Variants in DLG1 observed in about 807,000 individuals in gnomAD.
The protein encoded by DLG1 is disks large homolog 1.
In DLG1, 42 loss-of-function variants were observed where a neutral mutation model predicts 123.4. That is an observed-to-expected ratio of 0.34 (90% CI 0.27 to 0.44). The LOEUF is 0.44. DLG1 is among the 20% of genes least tolerant of loss of function. The pLI is 1.00. For synonymous variants in DLG1, 317 were observed against 356.2 expected, an observed-to-expected ratio of 0.89 and a Z score of 1.24; for missense variants, 942 against 1,082.6, an observed-to-expected ratio of 0.87 and a Z score of 1.82.
chr3:197,128,337 C>G (rs1336918760), intron 11 of DLG1, among the ~76,000 whole-genome samples: 1 of 152,222 alleles, frequency 6.6e-6, no homozygotes, highest in African/African-American at 2.4e-5. Flanking sequence ...TAAGAAGCAA[C>G]TCCTTAGTTG....
chr3:197,167,886 T>C (rs1266489369), intron 5 of DLG1, among the ~76,000 whole-genome samples: 1 of 152,236 alleles, frequency 6.6e-6, no homozygotes, highest in Non-Finnish European at 1.5e-5. Flanking sequence ...CTAAAGTTTA[T>C]TTTTTAAGTG....
intron 5 of DLG1, among the ~76,000 whole-genome samples, chr3:197,163,102 CGA>C (rs1229792460): frequency 6.6e-6 from 1 of 152,072 alleles, no homozygotes; most frequent in Admixed American, 6.6e-5. Flanking sequence ...AAAAGATGCT[CGA>C]CATCATTAGT....
intron 3 of DLG1, among the ~76,000 whole-genome samples, chr3:197,294,860 TCACA>T (rs1225069580): frequency 5.9e-5 from 9 of 152,138 alleles, no homozygotes; most frequent in African/African-American, 1.9e-4. Context: ...GTTACAGCCA[TCACA>T]CAAAGAAAAG....
intron 4 of DLG1, among the ~76,000 whole-genome samples, chr3:197,276,543 TTTC>T (rs1189683525): frequency 1.3e-5 from 2 of 152,232 alleles, no homozygotes; most frequent in African/African-American, 2.4e-5. Context: ...CCCACATTTA[TTTC>T]TTCTTCTTCA....
At chr3:197,231,725 A>G (rs1379826542) in intron 4 of DLG1, among the ~76,000 whole-genome samples, 2 of 151,882 alleles carry the variant, frequency 1.3e-5, no homozygotes, top group African/African-American at 4.8e-5. Flanking sequence ...AAAAAACAAA[A>G]CAACAAAAAC....
rs1297823462 is a variant in DLG1 at position 197,130,385 on chromosome 3, A to C, written c.1165+142T>G. On this transcript the variant is annotated intron_variant, in intron 11 of 24. Coordinates refer to ENST00000667157, the MANE Select transcript of DLG1 (RefSeq NM_001366207.1). ...TTTGACTTAAAGTAGATTTTAAAAA[A>C]TGAGTAGATTAACATGCTTAATTGT... 4.2e-6 allele frequency: 3 copies of C among 714,620 alleles called. No individual in the cohort carries two copies. The African/African-American group carries it at 5.5e-5, about 13-fold the overall frequency. 44.3% of individuals were successfully genotyped at this position (714,620 alleles called of 1,614,324 possible).
At position 197,091,011 on chromosome 3, in the gene DLG1, T is replaced by C; in HGVS notation, c.1562A>G (p.Glu521Gly). 1.2e-6 allele frequency: 2 copies of C among 1,600,828 alleles called. No homozygotes were observed. Among genetic ancestry groups the C allele is most frequent in the Non-Finnish European group, 1.7e-6 (2 of 1,168,836 alleles). ...QYRPEEYSRF[E>G]AKIHDLREQM... ...CTCCCGTAAATCATGTATTTTAGCT[T>C]CAAAACGACTGTATTCTGATGGAAG... The change falls in exon 15 of 25, where the codon GAA (glutamate) becomes GGA (glycine). Residue 521 changes from glutamate to glycine, a missense_variant. By Grantham distance (98) the Glu-to-Gly change is moderately conservative. Coordinates refer to ENST00000667157, the MANE Select transcript of DLG1 (RefSeq NM_001366207.1).
intron 14 of DLG1, among the ~76,000 whole-genome samples, chr3:197,096,184 A>G (rs73208281): frequency 0.14 from 20,723 of 152,250 alleles, 1,595 homozygotes; most frequent in Non-Finnish European, 0.17. Flanking sequence ...ATCTGTATCA[A>G]TGGAAAACCA....
At position 197,282,671 on chromosome 3, in the gene DLG1, T is replaced by C. The variant is rs1356619969; in HGVS notation, c.318+8A>G. 1.3e-6 allele frequency: 2 copies of C among 1,514,974 alleles called. No individual in the cohort carries two copies. Among genetic ancestry groups the C allele is most frequent in the Non-Finnish European group, 1.8e-6 (2 of 1,136,282 alleles). 93.8% of individuals were successfully genotyped at this position (1,514,974 alleles called of 1,614,324 possible). On this transcript the variant is annotated splice_region_variant and intron_variant, in intron 4 of 24. Coordinates refer to ENST00000667157, the MANE Select transcript of DLG1 (RefSeq NM_001366207.1). ...AAAAACAGCTTCAGAACACATTTTT[T>C]ATCTCACCTCTACACTAGGGCTAAG...
intron 24 of DLG1, among the ~76,000 whole-genome samples, chr3:197,049,327 T>TA (rs71161990): frequency 0.33 from 49,620 of 151,320 alleles, 9,773 homozygotes; most frequent in East Asian, 0.72. Context: ...AACAAAACAA[T>TA]AAAAAACAAA....
chr3:197,278,244 T>C (rs3010120), intron 4 of DLG1, among the ~76,000 whole-genome samples: 39,010 of 131,830 alleles, frequency 0.3, 5,753 homozygotes, highest in Middle Eastern at 0.45. Context: ...GATCGTACCA[T>C]TGCACTCTAG....
intron 5 of DLG1, among the ~76,000 whole-genome samples, chr3:197,163,182 T>G (rs1053059078): frequency 6.6e-6 from 1 of 152,088 alleles, no homozygotes; most frequent in Non-Finnish European, 1.5e-5. Context: ...AGTGTCTAAT[T>G]AAAACAAAAC....
chr3:197,065,056 A>C (rs1435754326), intron 22 of DLG1, among the ~76,000 whole-genome samples: 1 of 151,454 alleles, frequency 6.6e-6, no homozygotes. Context: ...AACTTCTCTT[A>C]CATTCATGTT....
intron 22 of DLG1, among the ~76,000 whole-genome samples, chr3:197,061,467 T>C (rs1426976019): frequency 1.3e-5 from 2 of 152,196 alleles, no homozygotes; most frequent in African/African-American, 4.8e-5. Flanking sequence ...CCATCTAATG[T>C]TCCTTATTGG....
chr3:197,049,578 C>A (rs2148683630), intron 24 of DLG1, among the ~76,000 whole-genome samples: 2 of 152,206 alleles, frequency 1.3e-5, no homozygotes, highest in South Asian at 4.1e-4. Context: ...CATGGGGAAA[C>A]CCCATCTCTA....
At chr3:197,047,981 G>T (rs545827582) in intron 24 of DLG1, among the ~76,000 whole-genome samples, 190 of 152,238 alleles carry the variant, frequency 1.2e-3, no homozygotes, top group African/African-American at 4.4e-3. Flanking sequence ...TGGAAGAGGA[G>T]AAAATATTTC....
At chr3:197,294,545 C>G (rs1180825911) in intron 3 of DLG1, among the ~76,000 whole-genome samples, 1 of 151,408 alleles carries the variant, frequency 6.6e-6, no homozygotes, top group East Asian at 1.9e-4. Flanking sequence ...TTGGTCCCAG[C>G]TACTCAGGAG....
At chr3:197,144,657 G>A (rs1789773913) in intron 6 of DLG1, among the ~76,000 whole-genome samples, 1 of 152,108 alleles carries the variant, frequency 6.6e-6, no homozygotes, top group African/African-American at 2.4e-5. Flanking sequence ...GTCTAATATA[G>A]GGACCAGGAG....
intron 4 of DLG1, among the ~76,000 whole-genome samples, chr3:197,229,235 C>T (rs1741572114): frequency 6.6e-6 from 1 of 151,956 alleles, no homozygotes; most frequent in African/African-American, 2.4e-5. Flanking sequence ...TACTAGAAGT[C>T]CCATCCCAGC....
Sources: allele counts gnomAD v4.1 joint callset (sites outside exome capture counted in the v4.1 genomes callset), GRCh38; gene constraint gnomAD v4.1.1; transcripts MANE v1.5; gene names NCBI Gene and HGNC (gene_info 2026-07-23, HGNC 2026-07-21).